Variants in BCAS3 observed in about 807,000 individuals in gnomAD.
BCAS3 encodes the protein BCAS3 microtubule associated cell migration factor.
A neutral mutation model predicts 116.1 loss-of-function variants in BCAS3; 53 were observed. The ratio of observed to expected loss-of-function variants is 0.46; its 90% CI spans 0.37 to 0.57. The LOEUF is 0.57. Among genes scored for constraint, BCAS3 ranks in the 20% least tolerant of loss-of-function variants. The pLI, the probability that BCAS3 is intolerant of heterozygous loss-of-function variation, is 0.00. For synonymous variants in BCAS3, 391 were observed against 408.2 expected, an observed-to-expected ratio of 0.96 and a Z score of 0.51; for missense variants, 917 against 1,165.4, an observed-to-expected ratio of 0.79 and a Z score of 3.10.
At chr17:61,254,874 A>T (rs1436387968) in intron 22 of BCAS3, among the ~76,000 whole-genome samples, 1 of 152,040 alleles carries the variant, frequency 6.6e-6, no homozygotes, top group Non-Finnish European at 1.5e-5. Flanking sequence ...ACCAAGAACA[A>T]TACAATAACA....
intron 22 of BCAS3, among the ~76,000 whole-genome samples, chr17:61,284,291 TC>T (rs1406873269): frequency 1.3e-5 from 2 of 152,148 alleles, no homozygotes; most frequent in African/African-American, 4.8e-5. Flanking sequence ...GTTTGTTCTT[TC>T]ACTCTTCACA....
intron 22 of BCAS3, among the ~76,000 whole-genome samples, chr17:61,350,679 T>G (rs998062355): frequency 6.6e-6 from 1 of 150,674 alleles, no homozygotes; most frequent in African/African-American, 2.4e-5. Context: ...GTTACCATGG[T>G]GGCAGTGTAG....
At chr17:60,773,130 T>C (rs2044896553) in intron 6 of BCAS3, among the ~76,000 whole-genome samples, 1 of 152,158 alleles carries the variant, frequency 6.6e-6, no homozygotes, top group South Asian at 2.1e-4. Context: ...TTTGGTGGTG[T>C]CAGTGTTCTG....
intron 3 of BCAS3, among the ~76,000 whole-genome samples, chr17:60,685,774 A>G (rs960789493): frequency 6.6e-6 from 1 of 152,222 alleles, no homozygotes; most frequent in African/African-American, 2.4e-5. Context: ...CAGATACATT[A>G]CAATTTCTAA....
chr17:61,038,675 T>TTTTGTTTTTG (rs2067252369), intron 18 of BCAS3, among the ~76,000 whole-genome samples: 10 of 145,128 alleles, frequency 6.9e-5, no homozygotes, highest in African/African-American at 2.0e-4. Context: ...TTTGTTTTTT[T>TTTTGTTTTTG]TTTTTTTTTT....
chr17:61,064,961 T>G (rs941701758), intron 19 of BCAS3, among the ~76,000 whole-genome samples: 7 of 152,198 alleles, frequency 4.6e-5, no homozygotes, highest in African/African-American at 1.7e-4. Flanking sequence ...TACTGCTCTG[T>G]GTATTAGATT....
At position 61,362,305 on chromosome 17, in the gene BCAS3, A is replaced by C. The variant is rs1332332072; in HGVS notation, c.2426-6022A>C. On this transcript the variant is annotated intron_variant, in intron 22 of 23. Transcript: ENST00000407086. This position sits in a 1 kb window ranked among gnomAD's most constrained non-coding sequence, Gnocchi z 4.4. Reference sequence around the variant, plus strand: ...TCATCATCACAACCTCTCACCAAGGAGGGCTTACATCTTGCAAAGCACTGC... The same window carrying C: ...TCATCATCACAACCTCTCACCAAGGCGGGCTTACATCTTGCAAAGCACTGC... Among the ~76,000 whole-genome samples, 1 of 152,198 alleles carries C rather than the reference A, an allele frequency of 6.6e-6. No individual in the cohort carries two copies. Among genetic ancestry groups the C allele is most frequent in the Non-Finnish European group, 1.5e-5 (1 of 68,030 alleles).
chr17:61,002,227 T>C (rs2064292021), intron 15 of BCAS3, among the ~76,000 whole-genome samples: 1 of 152,150 alleles, frequency 6.6e-6, no homozygotes, highest in African/African-American at 2.4e-5. Flanking sequence ...ATATTTTATA[T>C]TTTTGTGTAT....
intron 22 of BCAS3, among the ~76,000 whole-genome samples, chr17:61,179,764 T>C (rs532626587): frequency 3.9e-5 from 6 of 152,202 alleles, no homozygotes; most frequent in African/African-American, 1.4e-4. Flanking sequence ...CTGTCTGCTG[T>C]GTGTGGTCAT....
At chr17:60,760,567 T>C (rs2043430141) in intron 6 of BCAS3, among the ~76,000 whole-genome samples, 2 of 152,048 alleles carry the variant, frequency 1.3e-5, no homozygotes, top group African/African-American at 2.4e-5. Flanking sequence ...AGCTTTCTGC[T>C]GAGAAATCCG....
chr17:61,202,279 A>C (rs374592659), intron 22 of BCAS3, among the ~76,000 whole-genome samples: 2 of 151,518 alleles, frequency 1.3e-5, no homozygotes, highest in South Asian at 2.1e-4. Context: ...CTGGGACTAC[A>C]GGCACCCAAA....
At chr17:60,955,763 G>A (rs1170610111) in intron 14 of BCAS3, among the ~76,000 whole-genome samples, 8 of 151,866 alleles carry the variant, frequency 5.3e-5, no homozygotes, top group South Asian at 2.1e-4. Flanking sequence ...TTATGCTCTC[G>A]GCACATTTAA....
intron 22 of BCAS3, among the ~76,000 whole-genome samples, chr17:61,297,095 G>A (rs1268182321): frequency 6.6e-6 from 1 of 152,202 alleles, no homozygotes; most frequent in African/African-American, 2.4e-5. Context: ...GAGGAGTGAT[G>A]AATGCCTTCC....
At chr17:61,167,595 A>T (rs893142722) in intron 22 of BCAS3, among the ~76,000 whole-genome samples, 8 of 152,230 alleles carry the variant, frequency 5.3e-5, no homozygotes, top group African/African-American at 1.9e-4. Context: ...GTACTAGAAA[A>T]GATGGTCCCC....
At chr17:60,795,910 G>A (rs777949337) in intron 6 of BCAS3, among the ~76,000 whole-genome samples, 7 of 152,050 alleles carry the variant, frequency 4.6e-5, no homozygotes, top group Non-Finnish European at 8.8e-5. Context: ...GGCTGCTCTC[G>A]AACTCCTGAC....
At chr17:61,110,319 C>T (rs916371633) in intron 22 of BCAS3, among the ~76,000 whole-genome samples, 1 of 152,194 alleles carries the variant, frequency 6.6e-6, no homozygotes, top group African/African-American at 2.4e-5. Context: ...TTCTGCATTT[C>T]CATCTGAGGT....
intron 5 of BCAS3, among the ~76,000 whole-genome samples, chr17:60,710,256 C>T (rs935411670): frequency 2.6e-5 from 4 of 152,100 alleles, no homozygotes. Context: ...GTGTTTCAGC[C>T]AGAATTTTTT....
rs1203480640 is a variant in BCAS3, at chr17:61,130,050, C to T, written c.2425+45486C>T. ...TATTCCACAGCATCATTACACACTG[C>T]TTCTGTGACTCAGACAGCTGGCAGG... On this transcript the variant is annotated intron_variant, in intron 22 of 23. Transcript: ENST00000407086. The surrounding 1 kb of genome is among the most constrained non-coding windows in gnomAD (Gnocchi z 5.0). 6.6e-6 allele frequency among the ~76,000 whole-genome samples: 1 copy of T among 152,174 alleles called. No individual in the cohort carries two copies. The highest frequency in any genetic ancestry group is 1.5e-5 in the Non-Finnish European group (1 of 68,034).
intron 14 of BCAS3, among the ~76,000 whole-genome samples, chr17:60,959,900 C>T (rs1262512391): frequency 6.6e-6 from 1 of 152,194 alleles, no homozygotes; most frequent in East Asian, 1.9e-4. Flanking sequence ...TGAGTTATAG[C>T]CACATCACTC....
Sources: gnomAD v4.1 joint callset for allele counts (sites outside exome capture counted in the v4.1 genomes callset) on GRCh38, gnomAD v4.1.1 for gene constraint, Gnocchi (gnomAD v3.1) non-coding constraint, MANE v1.5 for transcripts, NCBI Gene and HGNC (gene_info 2026-07-23, HGNC 2026-07-21) for gene names.